The following UQCC1 variants were observed in gnomAD, a reference collection of about 807,000 sequenced individuals.
UQCC1 encodes the protein bFGF-repressed Zic-binding protein.
A neutral mutation model predicts 48.0 loss-of-function variants in UQCC1; 38 were observed. That is an observed-to-expected ratio of 0.79 (90% CI 0.61 to 1.04). The LOEUF (loss-of-function observed/expected upper bound fraction) is 1.04. Among genes scored for constraint, UQCC1 ranks in the 50% least tolerant of loss-of-function variants. The pLI is 0.00. For synonymous variants in UQCC1, 111 were observed against 129.2 expected, an observed-to-expected ratio of 0.86 and a Z score of 0.95; for missense variants, 368 against 381.8, an observed-to-expected ratio of 0.96 and a Z score of 0.30.
intron 4 of UQCC1, 99 bp downstream of exon 4, chr20:35,381,819 T>C (rs1165101858): frequency 1.7e-5 from 13 of 744,376 alleles, no homozygotes; most frequent in Admixed American, 2.4e-5. Flanking sequence ...AAATAATGTA[T>C]GAATTCCATG....
chr20:35,397,515 A>G, intron 1 of UQCC1, among the ~76,000 whole-genome samples: 1 of 147,738 alleles, frequency 6.8e-6, no homozygotes, highest in East Asian at 1.9e-4. Context: ...GACTGTCTCA[A>G]AAAAAAAAAA....
intron 7 of UQCC1, among the ~76,000 whole-genome samples, chr20:35,341,704 A>T (rs1225480516): frequency 6.6e-6 from 1 of 152,180 alleles, no homozygotes; most frequent in East Asian, 1.9e-4. Context: ...GGAAACTGGG[A>T]TTGGCTTCCA....
At chr20:35,407,749 G>T (rs144926539) in intron 1 of UQCC1, among the ~76,000 whole-genome samples, 1 of 152,180 alleles carries the variant, frequency 6.6e-6, no homozygotes, top group Non-Finnish European at 1.5e-5. Flanking sequence ...AAGGCTGGGC[G>T]TGGTGGCTCA....
At chr20:35,355,884 C>CTTT (rs35947113) in intron 6 of UQCC1, among the ~76,000 whole-genome samples, 2 of 140,306 alleles carry the variant, frequency 1.4e-5, no homozygotes, top group Non-Finnish European at 3.1e-5. Flanking sequence ...CACATACTAT[C>CTTT]TTTTTTTTTT....
chr20:35,314,576 C>A, intron 8 of UQCC1, 112 bp downstream of exon 8: 2 of 778,974 alleles, frequency 2.6e-6, no homozygotes, highest in Non-Finnish European at 4.2e-6. Context: ...AAATACTACG[C>A]CATGGTGGTA....
chr20:35,400,735 T>G (rs988755137), intron 1 of UQCC1, among the ~76,000 whole-genome samples: 1 of 152,138 alleles, frequency 6.6e-6, no homozygotes. Context: ...GACCTTGTGA[T>G]CCGCCCGCCT....
intron 2 of UQCC1, among the ~76,000 whole-genome samples, chr20:35,385,866 C>G (rs1381186815): frequency 6.9e-6 from 1 of 145,172 alleles, no homozygotes; most frequent in Non-Finnish European, 1.5e-5. Flanking sequence ...TTTTTAACAG[C>G]AGTTTTAGGC....
chr20:35,400,633 C>T (rs1168143412), intron 1 of UQCC1, among the ~76,000 whole-genome samples: 5 of 151,884 alleles, frequency 3.3e-5, no homozygotes, highest in African/African-American at 4.8e-5. Context: ...GTAGCTGGGA[C>T]TACAGGCGCC....
chr20:35,347,857 A>G (rs1600918663), intron 6 of UQCC1, among the ~76,000 whole-genome samples: 2 of 152,234 alleles, frequency 1.3e-5, no homozygotes, highest in African/African-American at 2.4e-5. Flanking sequence ...TGTTGAAATA[A>G]TATTTCAGAT....
At chr20:35,398,299 A>C (rs1054406623) in intron 1 of UQCC1, among the ~76,000 whole-genome samples, 1 of 152,194 alleles carries the variant, frequency 6.6e-6, no homozygotes, top group African/African-American at 2.4e-5. Flanking sequence ...CACCTCTGTG[A>C]GCCTTGGTTG....
In UQCC1 at chr20:35,408,153, G is replaced by A. The variant is rs114917471; in HGVS notation, c.24+3787C>T. On this transcript the variant is annotated intron_variant, in intron 1 of 9. Coordinates refer to ENST00000374385, the MANE Select transcript of UQCC1 (RefSeq NM_018244.5). ...GTCAAAAAACAGAATATAAGGCCACGTGTGGTGGTTCACACCTGTAATCCT... is the reference window on the plus strand; with the variant it reads ...GTCAAAAAACAGAATATAAGGCCACATGTGGTGGTTCACACCTGTAATCCT... 3.3e-5 allele frequency among the ~76,000 whole-genome samples: 5 copies of A among 152,258 alleles called. No homozygotes were observed. The East Asian group carries it at 9.7e-4, about 29-fold the overall frequency.
At chr20:35,383,425 GCA>G (rs2061900252) in intron 3 of UQCC1, among the ~76,000 whole-genome samples, 1 of 152,144 alleles carries the variant, frequency 6.6e-6, no homozygotes, top group African/African-American at 2.4e-5. Context: ...ATTCAGGCTG[GCA>G]TGGTGGCTCA....
intron 6 of UQCC1, among the ~76,000 whole-genome samples, chr20:35,362,746 A>G (rs1315815118): frequency 1.2e-4 from 18 of 151,926 alleles, no homozygotes; most frequent in Non-Finnish European, 2.9e-5. Flanking sequence ...TTGTGTACTG[A>G]CCCCATTTGT....
intron 2 of UQCC1, among the ~76,000 whole-genome samples, chr20:35,388,728 C>T (rs2061977826): frequency 6.6e-6 from 1 of 152,162 alleles, no homozygotes; most frequent in Admixed American, 6.5e-5. Flanking sequence ...GGCTCATGCA[C>T]ACTTAATACC....
chr20:35,324,649 C>T (rs114807674), intron 7 of UQCC1, among the ~76,000 whole-genome samples: 1,759 of 152,226 alleles, frequency 0.012, 38 homozygotes, highest in African/African-American at 0.039. Flanking sequence ...CCATTTACAC[C>T]CACTAGGATG....
At chr20:35,371,699 G>GAAA (rs57335287) in intron 5 of UQCC1, among the ~76,000 whole-genome samples, 31 of 92,182 alleles carry the variant, frequency 3.4e-4, no homozygotes, top group African/African-American at 4.4e-4. Flanking sequence ...GGCACTTAAA[G>GAAA]AAAAAAAAAA....
chr20:35,321,258 G>A (rs544979947), intron 7 of UQCC1, among the ~76,000 whole-genome samples: 9 of 61,958 alleles, frequency 1.5e-4, no homozygotes, highest in African/African-American at 5.6e-4. Flanking sequence ...AAAACTGTGT[G>A]TGTGTGTGTG....
chr20:35,331,352 A>G (rs552314533), intron 7 of UQCC1, among the ~76,000 whole-genome samples: 1 of 151,730 alleles, frequency 6.6e-6, no homozygotes, highest in South Asian at 2.1e-4. Flanking sequence ...CCAAAAATAT[A>G]TATCTTTATA....
chr20:35,321,885 A>G (rs943336035), intron 7 of UQCC1, among the ~76,000 whole-genome samples: 1 of 152,218 alleles, frequency 6.6e-6, no homozygotes, highest in Non-Finnish European at 1.5e-5. Context: ...TCCTTCCCTC[A>G]GGCTTGGAAA....
Sources: allele counts gnomAD v4.1 joint callset (sites outside exome capture counted in the v4.1 genomes callset), GRCh38; gene constraint gnomAD v4.1.1; transcripts MANE v1.5; gene names NCBI Gene and HGNC (gene_info 2026-07-23, HGNC 2026-07-21).